PCTP: variants seen among roughly 807,000 people sequenced by gnomAD.
PCTP encodes phosphatidylcholine transfer protein, also known as START domain-containing protein 2.
A neutral mutation model predicts 31.0 loss-of-function variants in PCTP; 27 were observed. The ratio of observed to expected loss-of-function variants is 0.87; its 90% confidence interval spans 0.64 to 1.20. The LOEUF (loss-of-function observed/expected upper bound fraction) is 1.20, where lower values mean the gene tolerates loss of function less well. Ranked by LOEUF, PCTP falls within the 50% of genes most tolerant of loss-of-function variation. The pLI is 0.00. For synonymous variants in PCTP, 108 were observed against 101.2 expected, an observed-to-expected ratio of 1.07 and a Z score of -0.40; for missense variants, 287 against 268.2, an observed-to-expected ratio of 1.07 and a Z score of -0.49.
At chr17:55,813,121 C>T (rs1337974925) in intron 3 of PCTP, among the ~76,000 whole-genome samples, 5 of 152,060 alleles carry the variant, frequency 3.3e-5, no homozygotes, top group East Asian at 1.9e-4. Context: ...AATGAGGTTT[C>T]GTTTTATATC....
At chr17:55,781,874 C>A (rs1043391930), downstream of PCTP, among the ~76,000 whole-genome samples, 2 of 152,086 alleles carry the variant, frequency 1.3e-5, no homozygotes, top group Non-Finnish European at 2.9e-5. Flanking sequence ...TCACCTGACA[C>A]ATTTCTCAGT....
intron 3 of PCTP, among the ~76,000 whole-genome samples, chr17:55,815,396 C>T (rs1912884938): frequency 6.6e-6 from 1 of 152,172 alleles, no homozygotes; most frequent in South Asian, 2.1e-4. Context: ...GCCTGAAATA[C>T]AATTTATCTG....
chr17:55,819,094 A>G (rs991034163), intron 3 of PCTP, among the ~76,000 whole-genome samples: 8 of 151,856 alleles, frequency 5.3e-5, no homozygotes, highest in Middle Eastern at 3.4e-3. Flanking sequence ...TTGTTGTTTA[A>G]TAACAGCGAC....
At chr17:55,833,675 G>T (rs910595347) in intron 5 of PCTP, among the ~76,000 whole-genome samples, 2 of 152,164 alleles carry the variant, frequency 1.3e-5, no homozygotes, top group African/African-American at 4.8e-5. Flanking sequence ...TCTGTATTTT[G>T]CAAGCCTTCT....
intron 1 of PCTP, among the ~76,000 whole-genome samples, chr17:55,760,234 T>C (rs761300826): frequency 1.3e-5 from 2 of 152,194 alleles, no homozygotes; most frequent in Non-Finnish European, 2.9e-5. Flanking sequence ...TTAGAGCAGG[T>C]TCACTGTAGA....
intron 3 of PCTP, among the ~76,000 whole-genome samples, chr17:55,822,013 A>G (rs778478851): frequency 2.6e-5 from 4 of 152,192 alleles, no homozygotes; most frequent in Non-Finnish European, 5.9e-5. Flanking sequence ...GATATGTCAC[A>G]GCTGTCATTC....
At chr17:55,792,145 G>A (rs186823954) in intron 3 of PCTP, among the ~76,000 whole-genome samples, 24 of 134,072 alleles carry the variant, frequency 1.8e-4, no homozygotes, top group Non-Finnish European at 2.8e-4. Context: ...CTCACACTCT[G>A]GGGACTGTTG....
intron 2 of PCTP, among the ~76,000 whole-genome samples, chr17:55,784,912 A>G (rs1418042048): frequency 2.0e-5 from 3 of 152,196 alleles, no homozygotes; most frequent in Non-Finnish European, 4.4e-5. Context: ...TCAAACATAC[A>G]GTGGTCTTTG....
intron 3 of PCTP, among the ~76,000 whole-genome samples, chr17:55,809,347 A>G (rs17820343): frequency 0.027 from 4,061 of 152,200 alleles, 71 homozygotes; most frequent in Non-Finnish European, 0.041. Flanking sequence ...TGTATACTAT[A>G]CCCCTTAAGG....
exon 4 of PCTP, chr17:55,822,959 T>A (rs764721283): frequency 2.1e-5 from 11 of 526,796 alleles, no homozygotes; most frequent in Non-Finnish European, 3.2e-5. Flanking sequence ...TTTTTTCTCA[T>A]AAGCCCTGAA....
chr17:55,818,614 A>G (rs187467177), intron 3 of PCTP, among the ~76,000 whole-genome samples: 86 of 152,306 alleles, frequency 5.6e-4, no homozygotes, highest in Middle Eastern at 6.8e-3. Flanking sequence ...GCATGAGAAA[A>G]AAGTGGTCAT....
intron 1 of PCTP, among the ~76,000 whole-genome samples, chr17:55,759,031 C>A (rs892086258): frequency 8.5e-5 from 13 of 152,174 alleles, no homozygotes; most frequent in African/African-American, 3.1e-4. Context: ...AGAGAGATGA[C>A]TTGTAGGGAA....
chr17:55,792,683 T>C (rs1912043365), intron 3 of PCTP, among the ~76,000 whole-genome samples: 1 of 152,096 alleles, frequency 6.6e-6, no homozygotes, highest in Non-Finnish European at 1.5e-5. Context: ...CTCCAGGAAA[T>C]AAAATAGGTC....
At chr17:55,783,317 A>G (rs1597995017) in intron 2 of PCTP, among the ~76,000 whole-genome samples, 1 of 152,186 alleles carries the variant, frequency 6.6e-6, no homozygotes, top group Admixed American at 6.5e-5. Context: ...GAGAGGCTGG[A>G]GGCAAAACAG....
intron 2 of PCTP, chr17:55,769,517 G>A (rs1236713419): frequency 1.3e-5 from 2 of 152,222 alleles, no homozygotes; most frequent in African/African-American, 4.8e-5. Context: ...TCAGTGACCA[G>A]TGATGGCATC....
At chr17:55,785,704 A>G (rs1447746419) in intron 2 of PCTP, among the ~76,000 whole-genome samples, 2 of 152,200 alleles carry the variant, frequency 1.3e-5, no homozygotes, top group African/African-American at 2.4e-5. Context: ...TTTGTTAGCT[A>G]TCTTCCCTAT....
intron 3 of PCTP, among the ~76,000 whole-genome samples, chr17:55,797,720 C>T (rs890886332): frequency 6.6e-6 from 1 of 151,940 alleles, no homozygotes; most frequent in Non-Finnish European, 1.5e-5. Context: ...TGTATTGAGA[C>T]CTGCCTCTAG....
intron 1 of PCTP, among the ~76,000 whole-genome samples, chr17:55,760,385 C>G (rs1400730398): frequency 2.0e-5 from 3 of 152,182 alleles, no homozygotes. Context: ...TTACTAAGTA[C>G]TTATTATGTG....
intron 5 of PCTP, among the ~76,000 whole-genome samples, chr17:55,840,004 T>C: frequency 6.6e-6 from 1 of 151,440 alleles, no homozygotes; most frequent in Admixed American, 6.6e-5. Flanking sequence ...CTGTCCTTAA[T>C]TTAGTTTAAA....
Sources: gnomAD v4.1 joint callset for allele counts (sites outside exome capture counted in the v4.1 genomes callset) on GRCh38, gnomAD v4.1.1 for gene constraint, MANE v1.5 for transcripts, NCBI Gene and HGNC (gene_info 2026-07-23, HGNC 2026-07-21) for gene names.